The following DLG1 variants were observed in gnomAD, a reference collection of about 807,000 sequenced individuals.
DLG1 encodes the protein disks large homolog 1.
A neutral mutation model predicts 123.4 loss-of-function variants in DLG1; 42 were observed. The observed-to-expected ratio is 0.34, with a 90% CI of 0.27 to 0.44. The LOEUF (loss-of-function observed/expected upper bound fraction) is 0.44. DLG1 is among the 20% of genes least tolerant of loss of function. DLG1 has a pLI of 1.00. For missense variants in DLG1, 942 were observed against 1,082.6 expected, an observed-to-expected ratio of 0.87 and a Z score of 1.82; for synonymous variants, 317 against 356.2, an observed-to-expected ratio of 0.89 and a Z score of 1.24.
At chr3:197,085,854 T>G in intron 15 of DLG1, 98 bp from the exon 16 acceptor site, 1 of 1,156,910 alleles carries the variant, frequency 8.6e-7, no homozygotes, top group Non-Finnish European at 1.2e-6. Flanking sequence ...TAATTAAATA[T>G]ATCATAGTAG....
intron 5 of DLG1, among the ~76,000 whole-genome samples, chr3:197,169,433 G>C (rs780469450): frequency 6.6e-6 from 1 of 152,130 alleles, no homozygotes; most frequent in African/African-American, 2.4e-5. Flanking sequence ...GACACATTTT[G>C]AATGTAGAGT....
intron 4 of DLG1, among the ~76,000 whole-genome samples, chr3:197,195,674 A>T (rs925082065): frequency 1.3e-5 from 2 of 152,154 alleles, no homozygotes; most frequent in Non-Finnish European, 2.9e-5. Context: ...TGGGAGCTAA[A>T]CACTGAACAC....
At chr3:197,049,278 G>A (rs1017065290) in intron 24 of DLG1, among the ~76,000 whole-genome samples, 9 of 152,186 alleles carry the variant, frequency 5.9e-5, no homozygotes, top group African/African-American at 1.4e-4. Context: ...GATCACACCC[G>A]CATTCCAGCC....
rs550305060 is a variant in DLG1 at position 197,246,463 on chromosome 3, TTTTGA to T, written c.318+36211_318+36215del. ...TGAGTTGGTGGGCCATCTTCCTACC[TTTTGA>T]TTTAAGATTGTCCTAACCTGAAGGG... On this transcript the variant is annotated intron_variant, in intron 4 of 24. Transcript: ENST00000667157. Among the ~76,000 whole-genome samples, 42 of 152,310 alleles carry T rather than the reference TTTTGA, an allele frequency of 2.8e-4. No homozygotes were observed. The South Asian group carries it at 8.1e-3, about 29-fold the overall frequency.
rs575324402 is a variant in DLG1, at chr3:197,086,858, A to T, written c.1662-1102T>A. On this transcript the variant is annotated intron_variant, in intron 15 of 24. Coordinates refer to ENST00000667157, the MANE Select transcript of DLG1 (RefSeq NM_001366207.1). Reference sequence around the variant, plus strand: ...ATGTCAAGACATTCAGAAAAGGAAAATACTAACTTCTTACATTATTATAAA... The same window carrying T: ...ATGTCAAGACATTCAGAAAAGGAAATTACTAACTTCTTACATTATTATAAA... 4.6e-5 allele frequency among the ~76,000 whole-genome samples: 7 copies of T among 152,312 alleles called. No homozygotes were observed. In the East Asian group the frequency reaches 1.2e-3, roughly 25 times the overall value.
At chr3:197,132,598 G>A (rs569272643) in intron 10 of DLG1, among the ~76,000 whole-genome samples, 1 of 151,258 alleles carries the variant, frequency 6.6e-6, no homozygotes, top group Admixed American at 6.6e-5. Flanking sequence ...GTGGCATACT[G>A]CTGAAATACA....
intron 19 of DLG1, among the ~76,000 whole-genome samples, chr3:197,067,751 T>C (rs1369189678): frequency 2.0e-5 from 3 of 152,068 alleles, no homozygotes; most frequent in Non-Finnish European, 2.9e-5. Context: ...AAGATAGGGT[T>C]TCTCCACGTT....
At chr3:197,090,064 G>A (rs1361161894) in intron 15 of DLG1, among the ~76,000 whole-genome samples, 1 of 152,028 alleles carries the variant, frequency 6.6e-6, no homozygotes, top group Non-Finnish European at 1.5e-5. Context: ...ACGTGTATAG[G>A]ATACATGTTT....
chr3:197,281,851 T>G (rs1560142661), intron 4 of DLG1, among the ~76,000 whole-genome samples: 1 of 152,250 alleles, frequency 6.6e-6, no homozygotes, highest in Non-Finnish European at 1.5e-5. Flanking sequence ...TCTAAAATTC[T>G]ATAGTTCTGT....
chr3:197,098,241 G>C (rs1449443766), intron 14 of DLG1, among the ~76,000 whole-genome samples: 1 of 152,150 alleles, frequency 6.6e-6, no homozygotes, highest in Non-Finnish European at 1.5e-5. Flanking sequence ...TACATTTCAT[G>C]TAGCATTATT....
At chr3:197,132,451 G>A (rs1268494275) in intron 10 of DLG1, among the ~76,000 whole-genome samples, 3 of 152,070 alleles carry the variant, frequency 2.0e-5, no homozygotes, top group African/African-American at 7.2e-5. Flanking sequence ...AAAATGTAAA[G>A]GTCACAGAAT....
chr3:197,112,036 T>C (rs1449421750), intron 13 of DLG1, among the ~76,000 whole-genome samples: 2 of 152,244 alleles, frequency 1.3e-5, no homozygotes, highest in Admixed American at 6.5e-5. Context: ...ATTAGATGTA[T>C]GTTTAACTTC....
At chr3:197,165,124 T>C (rs1299223171) in intron 5 of DLG1, among the ~76,000 whole-genome samples, 1 of 152,194 alleles carries the variant, frequency 6.6e-6, no homozygotes, top group Non-Finnish European at 1.5e-5. Flanking sequence ...AGTGCCTTTC[T>C]CTATCGCTGC....
At chr3:197,183,414 T>C (rs1362560791) in intron 5 of DLG1, among the ~76,000 whole-genome samples, 6 of 152,004 alleles carry the variant, frequency 3.9e-5, no homozygotes, top group African/African-American at 1.4e-4. Context: ...TTGTTCCCCC[T>C]TTTGTGCTAA....
intron 16 of DLG1, among the ~76,000 whole-genome samples, chr3:197,084,316 G>GT (rs71623334): frequency 7.1e-4 from 101 of 143,042 alleles, no homozygotes; most frequent in South Asian, 2.0e-3. Context: ...ACTTTTTGTT[G>GT]TTTTTTTTTT....
intron 6 of DLG1, among the ~76,000 whole-genome samples, chr3:197,144,209 C>T (rs1232870697): frequency 6.6e-6 from 1 of 152,226 alleles, no homozygotes; most frequent in African/African-American, 2.4e-5. Flanking sequence ...ACAAATGATG[C>T]TGTGTGATTT....
intron 4 of DLG1, among the ~76,000 whole-genome samples, chr3:197,271,471 C>G (rs1333219395): frequency 2.6e-5 from 4 of 152,182 alleles, no homozygotes; most frequent in African/African-American, 9.7e-5. Flanking sequence ...GGAATGAACT[C>G]TCTAAATAAA....
In DLG1 at chr3:197,044,583, A is replaced by C. The variant is rs1265195576; in HGVS notation, c.*40T>G. 2.8e-6 allele frequency: 4 copies of C among 1,436,788 alleles called. No homozygotes were observed. Among genetic ancestry groups the C allele is most frequent in the African/African-American group, 1.4e-5 (1 of 70,964 alleles). The allele number at this position is 1,436,788 out of a possible 1,614,324, so 89.0% of individuals were successfully genotyped here. A position where few individuals can be genotyped will look rare whatever the true frequency, so the allele number is the denominator to read the frequency against. Reference sequence around the variant, plus strand: ...GAAAGGGCAAAGAGATGCCAAAGAAAATGGAATTGTGGAAAAGAGAAACAG... The same window carrying C: ...GAAAGGGCAAAGAGATGCCAAAGAACATGGAATTGTGGAAAAGAGAAACAG... On this transcript the variant is annotated 3_prime_UTR_variant, in exon 25 of 25. Transcript: ENST00000667157.
intron 4 of DLG1, among the ~76,000 whole-genome samples, chr3:197,203,352 C>G (rs1726823960): frequency 6.6e-6 from 1 of 152,088 alleles, no homozygotes; most frequent in Non-Finnish European, 1.5e-5. Context: ...CTTTCAAAAA[C>G]AGTTCCAAAA....
Sources: allele counts gnomAD v4.1 joint callset (sites outside exome capture counted in the v4.1 genomes callset), GRCh38; gene constraint gnomAD v4.1.1; transcripts MANE v1.5; gene names NCBI Gene and HGNC (gene_info 2026-07-23, HGNC 2026-07-21).